CCDC39: variants seen among roughly 807,000 people sequenced by gnomAD.
The protein encoded by CCDC39 is coiled-coil domain-containing protein 39.
Under a neutral mutation model 121.0 loss-of-function variants are expected in CCDC39, and 113 were observed. The ratio of observed to expected loss-of-function variants is 0.93; its 90% CI spans 0.80 to 1.09. CCDC39 has a LOEUF of 1.09. Ranked by LOEUF, CCDC39 falls within the 50% of genes least tolerant of loss-of-function variation. CCDC39 has a pLI of 0.00. For synonymous variants in CCDC39, 349 were observed against 352.2 expected (o/e 0.99, Z 0.10); for missense variants, 1,063 against 1,074.7 (o/e 0.99, Z 0.15).
intron 7 of CCDC39, 122 bp from the exon 8 acceptor site, chr3:180,652,388 G>T: frequency 1.9e-6 from 1 of 515,928 alleles, no homozygotes; most frequent in Non-Finnish European, 3.4e-6. Context: ...AAAAGTAGTA[G>T]CCATTTTTTT....
intron 19 of CCDC39, 22 bp from the exon 20 acceptor site, chr3:180,615,099 T>A (rs1357655814): frequency 2.7e-6 from 4 of 1,499,148 alleles, no homozygotes; most frequent in Non-Finnish European, 3.6e-6. Context: ...ACCAGAATTA[T>A]AAATTCAATG....
At chr3:180,675,784 T>C (rs1712181755) in intron 1 of CCDC39, among the ~76,000 whole-genome samples, 1 of 152,050 alleles carries the variant, frequency 6.6e-6, no homozygotes, top group African/African-American at 2.4e-5. Context: ...ATGGTACTGG[T>C]ACCAAAACAG....
intron 1 of CCDC39, among the ~76,000 whole-genome samples, chr3:180,665,019 A>G (rs1711839502): frequency 6.6e-6 from 1 of 151,998 alleles, no homozygotes; most frequent in South Asian, 2.1e-4. Flanking sequence ...AAACCACAAG[A>G]TATCTTAAGC....
chr3:180,659,735 T>G lies in CCDC39; in HGVS notation c.551A>C (p.Glu184Ala), dbSNP rs752974826. 23 of 1,612,296 alleles carry G rather than the reference T, an allele frequency of 1.4e-5. No individual in the cohort carries two copies. The highest frequency in any genetic ancestry group is 2.0e-5 in the Non-Finnish European group (23 of 1,179,262). ...AAGTATCTTTCTTTTCTGATTACAT[T>G]CCAAAGTTAGTCTTTCTAATTGCAG... Reference protein sequence around the residue: ...LTLQLERLTLECNQKRKILDN... With the variant: ...LTLQLERLTLACNQKRKILDN... The change falls in exon 5 of 20, where the codon GAA becomes GCA. Residue 184 changes from glutamate to alanine, a missense_variant. By Grantham distance (107) the Glu-to-Ala change is moderately radical. Coordinates refer to ENST00000476379, the MANE Select transcript of CCDC39 (RefSeq NM_181426.2).
chr3:180,666,939 T>A (rs1711892791), intron 1 of CCDC39, among the ~76,000 whole-genome samples: 2 of 151,806 alleles, frequency 1.3e-5, no homozygotes, highest in Admixed American at 1.3e-4. Context: ...AAGACCATGG[T>A]GCTACAAAAA....
Position 180,679,484 on chromosome 3 carries a change from A to G in CCDC39, c.-104T>C. 2 of 1,098,652 alleles carry G rather than the reference A, an allele frequency of 1.8e-6. No individual in the cohort carries two copies. The highest frequency in any genetic ancestry group is 2.4e-5 in the East Asian group (1 of 42,530). 68.1% of individuals were successfully genotyped at this position (1,098,652 alleles called of 1,614,324 possible). A position where few individuals can be genotyped will look rare whatever the true frequency, so the allele number is the denominator to read the frequency against. On this transcript the variant is annotated 5_prime_UTR_variant, in exon 1 of 20. Coordinates refer to ENST00000476379, the MANE Select transcript of CCDC39 (RefSeq NM_181426.2). The surrounding 1 kb of genome is among the most constrained non-coding windows in gnomAD (Gnocchi z 4.0). ...CAGGCACCTGCACAGTGCCGCGGCA[A>G]TTGCCGGGGGAGCCCTAGCAACCTT...
At chr3:180,656,483 A>G (rs1711583271) in intron 6 of CCDC39, among the ~76,000 whole-genome samples, 1 of 152,214 alleles carries the variant, frequency 6.6e-6, no homozygotes, top group African/African-American at 2.4e-5. Flanking sequence ...AGGAAGAGGA[A>G]CAAAAGAGTA....
At chr3:180,675,764 C>T in intron 1 of CCDC39, among the ~76,000 whole-genome samples, 2 of 152,038 alleles carry the variant, frequency 1.3e-5, no homozygotes, top group Admixed American at 6.6e-5. Context: ...GCTACAGTAA[C>T]CAAAACAGCA....
chr3:180,661,240 A>G (rs1250658213), intron 3 of CCDC39, among the ~76,000 whole-genome samples: 1 of 152,070 alleles, frequency 6.6e-6, no homozygotes. Flanking sequence ...ATTTATGTAT[A>G]TTTAGTCACT....
chr3:180,617,071 A>G, intron 16 of CCDC39, 105 bp from the exon 17 acceptor site: 1 of 662,392 alleles, frequency 1.5e-6, no homozygotes, highest in East Asian at 2.9e-5. Context: ...ATTTTTGTAC[A>G]TAATATACAT....
rs961985593 is a variant in CCDC39, at chr3:180,623,309, T to G, written c.1999-3339A>C. Reference sequence around the variant, plus strand: ...ATATTTCTGTAGTTCAGTTGTAATGTCTCCTTTTTGTTTTCCGATTTTGTT... The same window carrying G: ...ATATTTCTGTAGTTCAGTTGTAATGGCTCCTTTTTGTTTTCCGATTTTGTT... On this transcript the variant is annotated intron_variant, in intron 14 of 19. Coordinates refer to ENST00000476379, the MANE Select transcript of CCDC39 (RefSeq NM_181426.2). Among the ~76,000 whole-genome samples the G allele has an allele frequency of 2.2e-4, 34 of 151,856 alleles. 1 individual carries two copies. Among genetic ancestry groups the G allele is most frequent in the Non-Finnish European group, 5.9e-5 (4 of 67,910 alleles).
At chr3:180,618,355 T>C (rs570481344) in intron 16 of CCDC39, among the ~76,000 whole-genome samples, 4 of 152,200 alleles carry the variant, frequency 2.6e-5, no homozygotes, top group African/African-American at 9.6e-5. Context: ...AGATTCACAG[T>C]ATCTCTTCTG....
At chr3:180,633,587 G>T (rs1024567294) in intron 13 of CCDC39, among the ~76,000 whole-genome samples, 1 of 151,938 alleles carries the variant, frequency 6.6e-6, no homozygotes, top group African/African-American at 2.4e-5. Flanking sequence ...AATAGGGAGA[G>T]AGAGATAAAG....
At chr3:180,654,213 G>A (rs1711528334) in intron 7 of CCDC39, among the ~76,000 whole-genome samples, 2 of 97,536 alleles carry the variant, frequency 2.1e-5, no homozygotes, top group Non-Finnish European at 3.8e-5. Context: ...AAACTGGATA[G>A]CCACACGCAA....
At position 180,619,818 on chromosome 3, in the gene CCDC39, A is replaced by T; in HGVS notation, c.2151T>A (p.Thr717=). 6.3e-7 allele frequency: 1 copy of T among 1,583,692 alleles called. No homozygotes were observed. The highest frequency in any genetic ancestry group is 8.6e-7 in the Non-Finnish European group (1 of 1,163,688). ...NNYKQSFKKV[T]PSSDEYELKI... ...AAGTTAACTCCTACATACTAGATGGAGTCACTTTTTTAAAAGATTGCTTAT... is the reference window on the plus strand; with the variant it reads ...AAGTTAACTCCTACATACTAGATGGTGTCACTTTTTTAAAAGATTGCTTAT... The change falls in exon 15 of 20, where the codon ACT becomes ACA. Residue 717 remains threonine (T), a synonymous_variant. Coordinates refer to ENST00000476379, the MANE Select transcript of CCDC39 (RefSeq NM_181426.2).
chr3:180,644,851 C>T lies in CCDC39; in HGVS notation c.1528-594G>A, dbSNP rs973137314. Among the ~76,000 whole-genome samples, 3 of 152,088 alleles carry T rather than the reference C, an allele frequency of 2.0e-5. No individual in the cohort carries two copies. The South Asian group carries it at 6.2e-4, about 32-fold the overall frequency. On this transcript the variant is annotated intron_variant, in intron 11 of 19. Coordinates refer to ENST00000476379, the MANE Select transcript of CCDC39 (RefSeq NM_181426.2). ...GTTGGATGAATCTGCAGATGTGGAG[C>T]TTGTGGATACAGAGGGCGACTGTGC...
In CCDC39 at chr3:180,660,660, T is replaced by C; in HGVS notation, c.426A>G (p.Ala142=). The part of the protein sequence containing the change: ...LKCQMNWDQQ[A]LEAWLEESAH... ...CTGATTCTTCTAACCAGGCCTCCAA[T>C]GCTTGCTGGTCCCAGTTCATTTGAC... The change falls in exon 4 of 20, where the codon GCA becomes GCG. Residue 142 remains alanine, a synonymous_variant. Coordinates refer to ENST00000476379, the MANE Select transcript of CCDC39 (RefSeq NM_181426.2). 6.2e-7 allele frequency: 1 copy of C among 1,603,436 alleles called. No individual in the cohort carries two copies. Among genetic ancestry groups the C allele is most frequent in the Non-Finnish European group, 8.5e-7 (1 of 1,174,122 alleles).
chr3:180,627,536 A>G (rs1046294421), intron 14 of CCDC39, among the ~76,000 whole-genome samples: 3 of 152,192 alleles, frequency 2.0e-5, no homozygotes, highest in African/African-American at 7.2e-5. Flanking sequence ...CAGAGATGAT[A>G]TATCTCTCAA....
intron 13 of CCDC39, among the ~76,000 whole-genome samples, chr3:180,638,052 C>A (rs1227874771): frequency 6.6e-6 from 1 of 152,038 alleles, no homozygotes; most frequent in African/African-American, 2.4e-5. Context: ...TATAACAAAC[C>A]TGCACATGTA....
Sources: allele counts gnomAD v4.1 joint callset (sites outside exome capture counted in the v4.1 genomes callset), GRCh38; gene constraint gnomAD v4.1.1; non-coding constraint Gnocchi (gnomAD v3.1); transcripts MANE v1.5; gene names NCBI Gene and HGNC (gene_info 2026-07-23, HGNC 2026-07-21).